The following AIG1 variants were observed in gnomAD, a reference collection of about 807,000 sequenced individuals.
AIG1 encodes androgen-induced gene 1 protein.
A neutral mutation model predicts 31.4 loss-of-function variants in AIG1; 23 were observed. The ratio of observed to expected loss-of-function variants is 0.73; its 90% CI spans 0.53 to 1.04. AIG1 has a LOEUF of 1.04. Among genes scored for constraint, AIG1 ranks in the 50% least tolerant of loss-of-function variants. The pLI is 0.00. For synonymous variants in AIG1, 100 were observed against 110.5 expected (o/e 0.90, Z 0.60); for missense variants, 274 against 295.0 (o/e 0.93, Z 0.52).
At chr6:143,301,162 A>C (rs1453516850) in intron 4 of AIG1, among the ~76,000 whole-genome samples, 1 of 152,226 alleles carries the variant, frequency 6.6e-6, no homozygotes, top group Non-Finnish European at 1.5e-5. Flanking sequence ...TCTTAAAACA[A>C]GTTCCCCTGT....
intron 1 of AIG1, among the ~76,000 whole-genome samples, chr6:143,065,914 C>T (rs556768240): frequency 5.3e-5 from 8 of 152,314 alleles, no homozygotes; most frequent in African/African-American, 1.9e-4. Flanking sequence ...ATCCCATTGG[C>T]TCTAGTTTGT....
intron 3 of AIG1, among the ~76,000 whole-genome samples, chr6:143,232,827 C>T (rs1793538383): frequency 6.6e-6 from 1 of 152,132 alleles, no homozygotes; most frequent in African/African-American, 2.4e-5. Flanking sequence ...CATATTAGCT[C>T]CATTGGCCTA....
intron 4 of AIG1, among the ~76,000 whole-genome samples, chr6:143,308,579 T>C (rs1450020137): frequency 6.6e-6 from 1 of 152,216 alleles, no homozygotes; most frequent in Non-Finnish European, 1.5e-5. Flanking sequence ...TTTGTTATGC[T>C]GTCTGGCTTG....
intron 3 of AIG1, among the ~76,000 whole-genome samples, chr6:143,235,150 G>A (rs1173914963): frequency 1.3e-5 from 2 of 152,200 alleles, no homozygotes; most frequent in African/African-American, 4.8e-5. Flanking sequence ...TCTAGTGGCA[G>A]AGTGGAAAAT....
rs2128721438 is a variant in AIG1 at position 143,329,602 on chromosome 6, T to C, written c.516-3680T>C. Reference sequence around the variant, plus strand: ...ATGACATTGTGTGCTGAAGGAACTTTGTGAAATACAAAGAACTACTTAAAC... The same window carrying C: ...ATGACATTGTGTGCTGAAGGAACTTCGTGAAATACAAAGAACTACTTAAAC... On this transcript the variant is annotated intron_variant, in intron 4 of 5. Transcript: ENST00000357847. The surrounding 1 kb of genome is among the most constrained non-coding windows in gnomAD (Gnocchi z 4.9). Among the ~76,000 whole-genome samples the C allele has an allele frequency of 6.6e-6, 1 of 152,326 alleles. No homozygotes were observed. The highest frequency in any genetic ancestry group is 3.4e-3 in the Middle Eastern group (1 of 294).
intron 3 of AIG1, among the ~76,000 whole-genome samples, chr6:143,277,782 G>T (rs1436583137): frequency 6.6e-6 from 1 of 152,176 alleles, no homozygotes; most frequent in African/African-American, 2.4e-5. Context: ...TATGATATGG[G>T]AGTAGTACCC....
At chr6:143,315,449 T>C (rs969783776) in intron 4 of AIG1, among the ~76,000 whole-genome samples, 1 of 151,954 alleles carries the variant, frequency 6.6e-6, no homozygotes, top group Non-Finnish European at 1.5e-5. Flanking sequence ...AATCAAGATA[T>C]TGTGGAGTTG....
At position 143,280,803 on chromosome 6, in the gene AIG1, C is replaced by A. The variant is rs1006304396; in HGVS notation, c.400-3307C>A. Among the ~76,000 whole-genome samples the A allele has an allele frequency of 6.6e-6, 1 of 151,970 alleles. No individual in the cohort carries two copies. The highest frequency in any genetic ancestry group is 1.5e-5 in the Non-Finnish European group (1 of 67,982). On this transcript the variant is annotated intron_variant, in intron 3 of 5. Transcript: ENST00000357847. The surrounding 1 kb of genome is among the most constrained non-coding windows in gnomAD (Gnocchi z 4.1). ...TTAATACCTGGGTGATGAGATAATA[C>A]GTACAATGAAACCCCATGACGTGTG... is the stretch of plus-strand genomic sequence containing the variant.
intron 3 of AIG1, chr6:143,190,656 C>T: frequency 2.1e-6 from 2 of 971,098 alleles, no homozygotes; most frequent in Non-Finnish European, 2.4e-6. Flanking sequence ...TTTCCAAAGC[C>T]CCAGGTAAGG....
At chr6:143,215,960 A>G (rs1038873631) in intron 3 of AIG1, among the ~76,000 whole-genome samples, 3 of 152,170 alleles carry the variant, frequency 2.0e-5, no homozygotes, top group Non-Finnish European at 2.9e-5. Context: ...ATGAGTGACT[A>G]TGTTAGAATA....
chr6:143,062,334 AT>A (rs1246518561), intron 1 of AIG1, among the ~76,000 whole-genome samples: 1 of 152,142 alleles, frequency 6.6e-6, no homozygotes, highest in Non-Finnish European at 1.5e-5. Context: ...TAATTTTCAG[AT>A]CCTCATCTTC....
intron 1 of AIG1, among the ~76,000 whole-genome samples, chr6:143,099,246 A>G (rs1196542209): frequency 6.6e-6 from 1 of 152,208 alleles, no homozygotes; most frequent in Non-Finnish European, 1.5e-5. Context: ...AAAGCTTCAT[A>G]AACTTTTCAG....
intron 3 of AIG1, chr6:143,190,146 C>T: frequency 1.0e-6 from 1 of 979,852 alleles, no homozygotes; most frequent in Non-Finnish European, 1.2e-6. Flanking sequence ...AGGGTTTCAA[C>T]ATATGAATTT....
At chr6:143,106,663 A>T (rs1172958440) in intron 1 of AIG1, among the ~76,000 whole-genome samples, 3 of 152,238 alleles carry the variant, frequency 2.0e-5, no homozygotes, top group Admixed American at 1.3e-4. Context: ...CCCAATTCTC[A>T]AACTCATTTC....
chr6:143,285,356 G>A (rs1258808895), intron 4 of AIG1, among the ~76,000 whole-genome samples: 1 of 150,132 alleles, frequency 6.7e-6, no homozygotes, highest in Non-Finnish European at 1.5e-5. Flanking sequence ...GGAGCTTTAC[G>A]ACCATGTGGT....
intron 3 of AIG1, among the ~76,000 whole-genome samples, chr6:143,264,339 G>T (rs1796007106): frequency 6.6e-6 from 1 of 152,086 alleles, no homozygotes; most frequent in South Asian, 2.1e-4. Flanking sequence ...CCAGTAACTT[G>T]TGGGGCAGTG....
chr6:143,214,466 G>C (rs1174438575), intron 3 of AIG1, among the ~76,000 whole-genome samples: 1 of 152,214 alleles, frequency 6.6e-6, no homozygotes, highest in African/African-American at 2.4e-5. Context: ...CTAATTAGCT[G>C]TTGGGTGAGT....
chr6:143,083,567 T>C (rs1034235153), intron 1 of AIG1, among the ~76,000 whole-genome samples: 4 of 152,174 alleles, frequency 2.6e-5, no homozygotes, highest in East Asian at 1.9e-4. Flanking sequence ...AATGGCCTCA[T>C]TGATAATCCT....
At position 143,297,281 on chromosome 6, in the gene AIG1, G is replaced by A. The variant is rs1204390038; in HGVS notation, c.515+13056G>A. On this transcript the variant is annotated intron_variant, in intron 4 of 5. Transcript: ENST00000357847. The surrounding 1 kb of genome is among the most constrained non-coding windows in gnomAD (Gnocchi z 5.1). ...TAGAAGCAACGGAGAGGAAACCATAGTCAGGGAGCCAAAGCAGTTCAGTGC... is the reference window on the plus strand; with the variant it reads ...TAGAAGCAACGGAGAGGAAACCATAATCAGGGAGCCAAAGCAGTTCAGTGC... Among the ~76,000 whole-genome samples, 1 of 152,180 alleles carries A rather than the reference G, an allele frequency of 6.6e-6. No individual in the cohort carries two copies. Among genetic ancestry groups the A allele is most frequent in the Non-Finnish European group, 1.5e-5 (1 of 68,030 alleles).
Sources: gnomAD v4.1 joint callset for allele counts (sites outside exome capture counted in the v4.1 genomes callset) on GRCh38, gnomAD v4.1.1 for gene constraint, Gnocchi (gnomAD v3.1) non-coding constraint, MANE v1.5 for transcripts, NCBI Gene and HGNC (gene_info 2026-07-23, HGNC 2026-07-21) for gene names.